The following AGBL4 variants were observed in gnomAD, a reference collection of about 807,000 sequenced individuals.
AGBL4 encodes AGBL carboxypeptidase 4.
A neutral mutation model predicts 66.4 loss-of-function variants in AGBL4; 58 were observed. That is an observed-to-expected ratio of 0.87 (90% CI 0.71 to 1.09). AGBL4 has a LOEUF of 1.09. Among genes scored for constraint, AGBL4 ranks in the 50% least tolerant of loss-of-function variants. The probability of loss-of-function intolerance (pLI) is 0.00; values close to 1 mark genes in which losing one functional copy is unlikely to be tolerated. For synonymous variants in AGBL4, 234 were observed against 222.9 expected (o/e 1.05, Z -0.44); for missense variants, 579 against 631.0 (o/e 0.92, Z 0.88).
intron 4 of AGBL4, among the ~76,000 whole-genome samples, chr1:49,200,900 G>A (rs1252816900): frequency 3.3e-5 from 5 of 152,080 alleles, no homozygotes; most frequent in African/African-American, 1.2e-4. Flanking sequence ...TGGGGGGTGG[G>A]GTTAAAAAGC....
chr1:49,717,881 G>A (rs1648282452), intron 2 of AGBL4, among the ~76,000 whole-genome samples: 1 of 151,980 alleles, frequency 6.6e-6, no homozygotes, highest in African/African-American at 2.4e-5. Context: ...TCTATTTCAG[G>A]CCAGACTTAG....
intron 4 of AGBL4, among the ~76,000 whole-genome samples, chr1:49,065,432 A>G (rs1644474999): frequency 6.6e-6 from 1 of 152,220 alleles, no homozygotes; most frequent in Non-Finnish European, 1.5e-5. Flanking sequence ...TATGTGAAGG[A>G]GCAGAGATGA....
At chr1:49,656,410 C>A (rs1034213421) in intron 3 of AGBL4, among the ~76,000 whole-genome samples, 1 of 152,060 alleles carries the variant, frequency 6.6e-6, no homozygotes, top group Non-Finnish European at 1.5e-5. Flanking sequence ...GATTCACAGC[C>A]GAATTCTACC....
At chr1:48,650,797 C>T (rs1409291204) in intron 8 of AGBL4, among the ~76,000 whole-genome samples, 1 of 152,194 alleles carries the variant, frequency 6.6e-6, no homozygotes, top group Non-Finnish European at 1.5e-5. Flanking sequence ...TTGGGAAACA[C>T]TGAGTACTAT....
intron 6 of AGBL4, among the ~76,000 whole-genome samples, chr1:48,860,792 G>A (rs1224841988): frequency 6.6e-6 from 1 of 152,130 alleles, no homozygotes; most frequent in Non-Finnish European, 1.5e-5. Flanking sequence ...GAACACAGTG[G>A]GAGTTTGAGG....
At chr1:49,598,568 C>G (rs1332390427) in intron 3 of AGBL4, among the ~76,000 whole-genome samples, 1 of 152,128 alleles carries the variant, frequency 6.6e-6, no homozygotes, top group Admixed American at 6.5e-5. Context: ...CTGATTGTTC[C>G]TCTGGAAGTT....
At chr1:49,052,696 A>G (rs577085657) in intron 4 of AGBL4, among the ~76,000 whole-genome samples, 1 of 152,268 alleles carries the variant, frequency 6.6e-6, no homozygotes, top group South Asian at 2.1e-4. Flanking sequence ...TTGTTACATC[A>G]TGGGTGGAAT....
chr1:49,757,245 C>A (rs1467586931), intron 2 of AGBL4, among the ~76,000 whole-genome samples: 1 of 152,196 alleles, frequency 6.6e-6, no homozygotes, highest in Non-Finnish European at 1.5e-5. Flanking sequence ...GGCTTCCCAG[C>A]CATGCAAAAC....
intron 3 of AGBL4, among the ~76,000 whole-genome samples, chr1:49,529,351 T>A (rs183728614): frequency 6.6e-6 from 1 of 152,186 alleles, no homozygotes; most frequent in East Asian, 1.9e-4. Context: ...ATACCCTGAA[T>A]GAAATGTAGA....
chr1:49,169,252 G>C (rs1646688484), intron 4 of AGBL4, among the ~76,000 whole-genome samples: 1 of 152,196 alleles, frequency 6.6e-6, no homozygotes, highest in Admixed American at 6.5e-5. Flanking sequence ...CTGTAGCACA[G>C]TACTTACCCT....
chr1:49,568,496 C>CACACACACACAG (rs1382619026), intron 3 of AGBL4, among the ~76,000 whole-genome samples: 1 of 150,760 alleles, frequency 6.6e-6, no homozygotes. Flanking sequence ...ATCACACACA[C>CACACACACACAG]ACACACACAC....
intron 8 of AGBL4, among the ~76,000 whole-genome samples, chr1:48,635,158 C>T (rs1645648768): frequency 6.6e-6 from 1 of 152,174 alleles, no homozygotes; most frequent in Admixed American, 6.5e-5. Context: ...CCTTCCATGA[C>T]AGGGTACAGC....
intron 3 of AGBL4, among the ~76,000 whole-genome samples, chr1:49,303,630 T>C (rs1490701888): frequency 6.6e-6 from 1 of 151,904 alleles, no homozygotes; most frequent in Admixed American, 6.6e-5. Context: ...TTTTTCTTTT[T>C]CTTCTTCTTT....
intron 3 of AGBL4, among the ~76,000 whole-genome samples, chr1:49,575,280 G>A (rs1013001173): frequency 1.3e-5 from 2 of 152,140 alleles, no homozygotes; most frequent in Non-Finnish European, 1.5e-5. Flanking sequence ...CTTACAGTGG[G>A]TCCAGTGGGT....
At chr1:49,466,177 GGC>G (rs1427926371) in intron 3 of AGBL4, among the ~76,000 whole-genome samples, 1 of 151,778 alleles carries the variant, frequency 6.6e-6, no homozygotes, top group Middle Eastern at 3.2e-3. Flanking sequence ...TCACGGGTTT[GGC>G]CTTCATTAGT....
chr1:49,402,737 T>A (rs972890615), intron 3 of AGBL4, among the ~76,000 whole-genome samples: 4 of 152,110 alleles, frequency 2.6e-5, no homozygotes, highest in African/African-American at 9.7e-5. Context: ...CTGGCTAATT[T>A]TGTATTTTTA....
intron 2 of AGBL4, among the ~76,000 whole-genome samples, chr1:49,709,958 T>G (rs1647515813): frequency 6.6e-6 from 1 of 152,094 alleles, no homozygotes; most frequent in Admixed American, 6.5e-5. Context: ...CTGGAGAGGA[T>G]GTGGAGAAAT....
At chr1:48,544,764 C>T (rs1232320023) in intron 11 of AGBL4, among the ~76,000 whole-genome samples, 1 of 152,146 alleles carries the variant, frequency 6.6e-6, no homozygotes, top group Non-Finnish European at 1.5e-5. Flanking sequence ...GAGAGAGATT[C>T]CCAGCCAGCC....
intron 6 of AGBL4, among the ~76,000 whole-genome samples, chr1:48,779,980 C>G (rs1645252087): frequency 1.3e-5 from 2 of 151,968 alleles, no homozygotes; most frequent in Admixed American, 1.3e-4. Flanking sequence ...TCCCAATGTG[C>G]TGGGATTACA....
Sources: allele counts gnomAD v4.1 joint callset (sites outside exome capture counted in the v4.1 genomes callset), GRCh38; gene constraint gnomAD v4.1.1; transcripts MANE v1.5; gene names NCBI Gene and HGNC (gene_info 2026-07-23, HGNC 2026-07-21).